Variants in HNRNPH1 observed in about 807,000 individuals in gnomAD.
HNRNPH1 encodes heterogeneous nuclear ribonucleoprotein H1.
A neutral mutation model predicts 58.6 loss-of-function variants in HNRNPH1; 4 were observed. That is an observed-to-expected ratio of 0.07 (90% confidence interval 0.03 to 0.16). HNRNPH1 has a LOEUF of 0.16. Among genes scored for constraint, HNRNPH1 ranks in the 10% least tolerant of loss-of-function variants. The pLI, the probability that HNRNPH1 is intolerant of heterozygous loss-of-function variation, is 1.00. For synonymous variants in HNRNPH1, 192 were observed against 189.2 expected, an observed-to-expected ratio of 1.01 and a Z score of -0.12; for missense variants, 271 against 564.2, an observed-to-expected ratio of 0.48 and a Z score of 5.26.
intron 10 of HNRNPH1, chr5:179,616,547 C>T (rs1158663022): frequency 3.9e-6 from 2 of 511,730 alleles, no homozygotes; most frequent in Non-Finnish European, 7.0e-6. Context: ...ACATCAAAGG[C>T]ATGTCAATAC....
chr5:179,625,931 GATT>G (rs1401890862), upstream of HNRNPH1, among the ~76,000 whole-genome samples: 148 of 117,480 alleles, frequency 1.3e-3, no homozygotes, highest in African/African-American at 4.3e-3. Context: ...ACCTTGCTCA[GATT>G]ATTTATTTAT....
At chr5:179,633,385 T>A (rs1775005220) in intron 2 of HNRNPH1, among the ~76,000 whole-genome samples, 1 of 150,164 alleles carries the variant, frequency 6.7e-6, no homozygotes, top group Non-Finnish European at 1.5e-5. Flanking sequence ...AAGCTCCGCC[T>A]CCCGGGTTCA....
intron 4 of HNRNPH1, 105 bp downstream of exon 5, chr5:179,619,164 A>C: frequency 1.0e-6 from 1 of 989,142 alleles, no homozygotes; most frequent in Non-Finnish European, 1.5e-6. Flanking sequence ...AACATCAATT[A>C]CCTAGGACTA....
chr5:179,621,699 G>A (rs1178895273), intron 1 of HNRNPH1: 5 of 410,562 alleles, frequency 1.2e-5, no homozygotes, highest in Non-Finnish European at 1.4e-5. Flanking sequence ...TTTCTCAGAA[G>A]ATTATCAAGC....
rs200897727 is a variant in HNRNPH1 at position 179,620,880 on chromosome 5, A to G, written c.397+12T>C. ...CAAAACTCACTGCTCAGCAACAAAC[A>G]TGACTACATACCTGAGAAGAACTGA... On this transcript the variant is annotated intron_variant, in intron 3 of 12. Transcript: ENST00000356731. The G allele has an allele frequency of 7.9e-5, 128 of 1,613,128 alleles. No individual in the cohort carries two copies. The highest frequency in any genetic ancestry group is 1.0e-4 in the Non-Finnish European group (123 of 1,179,494).
chr5:179,623,281 C>G (rs1328263475), exon 1 of HNRNPH1: 1 of 498,852 alleles, frequency 2.0e-6, no homozygotes, highest in Non-Finnish European at 3.8e-6. Context: ...ATGCACCCAC[C>G]CCGGCGACTC....
exon 1 of HNRNPH1, chr5:179,623,466 G>A (rs1773778930): frequency 5.4e-6 from 1 of 185,496 alleles, no homozygotes; most frequent in East Asian, 1.5e-4. Context: ...GCGGCCTGCA[G>A]GCCTCAGCGG....
In HNRNPH1 at chr5:179,634,361, C is replaced by T. The variant is rs568500674; in HGVS notation, c.-125+88G>A. ...CAAGCCAAGTCACATACGGCACGCG[C>T]ACTGGATCAAAATAATACACGCCTC... On this transcript the variant is annotated intron_variant, in intron 1 of 4. Transcript: ENST00000521116. 4.7e-4 allele frequency: 32 copies of T among 68,526 alleles called. No homozygotes were observed. The East Asian group carries it at 9.3e-3, about 20-fold the overall frequency. 4.2% of individuals were successfully genotyped at this position (68,526 alleles called of 1,614,324 possible).
rs770562357 is a variant in HNRNPH1, at chr5:179,618,294, G to C, written c.566C>G (p.Ala189Gly). The C allele has an allele frequency of 3.7e-6, 6 of 1,612,408 alleles. No individual in the cohort carries two copies. In the South Asian group the frequency reaches 5.5e-5, roughly 15 times the overall value. The change falls in exon 5 of 13, where the codon GCT (alanine) becomes GGT (glycine). Residue 189 changes from alanine (A) to glycine (G), a missense_variant. This residue lies in a region of HNRNPH1 where 55 missense variants were observed against 201.9 expected (regional missense o/e 0.27). Transcript: ENST00000356731. ...TGGATCATAATGAGTTCTAACTTCAGCTCTACTGCTCTTAAAGATTTCAAT... is the reference window on the plus strand; with the variant it reads ...TGGATCATAATGAGTTCTAACTTCACCTCTACTGCTCTTAAAGATTTCAAT...
At chr5:179,618,582 A>G in intron 4 of HNRNPH1, 1 of 321,438 alleles carries the variant, frequency 3.1e-6, no homozygotes, top group Non-Finnish European at 5.7e-6. Context: ...AGAGAGGAGT[A>G]CTGTAAATAA....
rs986232192 is a variant in HNRNPH1 at position 179,630,738 on chromosome 5, C to G, written c.-32+3327G>C. ...CATCCTGGTCAACATGGTGAAACCC[C>G]GTCTCTACTAAAAGTACAAAAAATC... On this transcript the variant is annotated intron_variant, in intron 2 of 4. Coordinates refer to the HNRNPH1 transcript ENST00000521116. 1.4e-4 allele frequency among the ~76,000 whole-genome samples: 22 copies of G among 151,990 alleles called. 1 individual carries two copies. Among genetic ancestry groups the G allele is most frequent in the Admixed American group, 1.4e-3 (22 of 15,256 alleles).
intron 11 of HNRNPH1, 67 bp from the exon 13 acceptor site, chr5:179,615,662 A>T (rs1581627695): frequency 1.2e-6 from 1 of 802,732 alleles, no homozygotes; most frequent in African/African-American, 1.8e-5. Flanking sequence ...CAATTGAAAA[A>T]AAATAAATAA....
At chr5:179,633,423 G>A (rs1466592178) in intron 2 of HNRNPH1, among the ~76,000 whole-genome samples, 11 of 149,538 alleles carry the variant, frequency 7.4e-5, no homozygotes, top group Non-Finnish European at 1.0e-4. Flanking sequence ...AGCCTCCCGA[G>A]TAGCTGGGAC....
rs1316177416 is a variant in HNRNPH1, at chr5:179,623,028, C to A, written c.97+9G>T. On this transcript the variant is annotated intron_variant, in intron 1 of 12. Transcript: ENST00000356731. ...GAACTCGAACTCCCGCGTCCTAGTT[C>A]TAACTCACCAGAAAAAAACCTCTGC... 2.0e-6 allele frequency: 3 copies of A among 1,493,236 alleles called. No individual in the cohort carries two copies. The highest frequency in any genetic ancestry group is 1.8e-5 in the Admixed American group (1 of 54,604). 92.5% of individuals were successfully genotyped at this position (1,493,236 alleles called of 1,614,324 possible).
intron 2 of HNRNPH1, among the ~76,000 whole-genome samples, chr5:179,630,203 G>C (rs988299231): frequency 6.6e-6 from 1 of 151,872 alleles, no homozygotes; most frequent in Non-Finnish European, 1.5e-5. Context: ...ACAAAAATTA[G>C]TCAGGCGTGC....
At chr5:179,634,052 C>G (rs1775062893) in intron 2 of HNRNPH1, 1 of 151,808 alleles carries the variant, frequency 6.6e-6, no homozygotes, top group Non-Finnish European at 1.5e-5. Flanking sequence ...TTTATCAGGC[C>G]CCCTGGGCTC....
At chr5:179,616,058 A>G in intron 11 of HNRNPH1, 68 bp downstream of exon 12, 1 of 1,334,778 alleles carries the variant, frequency 7.5e-7, no homozygotes, top group Non-Finnish European at 1.1e-6. Context: ...ACCATAACTT[A>G]CTCTAAGTAC....
At position 179,632,618 on chromosome 5, in the gene HNRNPH1, C is replaced by T. The variant is rs371475019; in HGVS notation, c.-32+1447G>A. On this transcript the variant is annotated intron_variant, in intron 2 of 4. Coordinates refer to the HNRNPH1 transcript ENST00000521116. ...GCCCGACGGCCACCTGAGGAGGGACCGAGCACGCCCTCTCCGGTTCACGCT... is the reference window on the plus strand; with the variant it reads ...GCCCGACGGCCACCTGAGGAGGGACTGAGCACGCCCTCTCCGGTTCACGCT... Among the ~76,000 whole-genome samples the T allele has an allele frequency of 5.3e-5, 8 of 152,352 alleles. No homozygotes were observed. In the East Asian group the frequency reaches 1.2e-3, roughly 22 times the overall value.
At chr5:179,614,835 G>T in exon 13 of HNRNPH1, 8 of 1,180,716 alleles carry the variant, frequency 6.8e-6, no homozygotes, top group South Asian at 1.3e-5. Flanking sequence ...GATCAGGATC[G>T]ATCAATTACA....
Sources: gnomAD v4.1 joint callset for allele counts (sites outside exome capture counted in the v4.1 genomes callset) on GRCh38, gnomAD v4.1.1 for gene constraint, gnomAD v4.1.1 regional missense constraint, MANE v1.5 for transcripts, NCBI Gene and HGNC (gene_info 2026-07-23, HGNC 2026-07-21) for gene names.